The following GATM variants were observed in gnomAD, a reference collection of about 807,000 sequenced individuals.
The protein encoded by GATM is glycine amidinotransferase, mitochondrial.
A neutral mutation model predicts 54.2 loss-of-function variants in GATM; 23 were observed. The ratio of observed to expected loss-of-function variants is 0.42; its 90% CI spans 0.31 to 0.60. The LOEUF is 0.60. Among genes scored for constraint, GATM ranks in the 20% least tolerant of loss-of-function variants. The pLI is 0.14. For missense variants in GATM, 401 were observed against 544.9 expected (o/e 0.74, Z 2.63); for synonymous variants, 168 against 183.1 (o/e 0.92, Z 0.67).
At chr15:45,372,495 A>G (rs1027111750) in intron 2 of GATM, among the ~76,000 whole-genome samples, 3 of 152,244 alleles carry the variant, frequency 2.0e-5, no homozygotes, top group Admixed American at 6.5e-5. Flanking sequence ...AACCAGAAAG[A>G]GGATAATAAT....
chr15:45,399,879 G>A (rs183996158), intron 1 of GATM, among the ~76,000 whole-genome samples: 3,452 of 152,244 alleles, frequency 0.023, 145 homozygotes, highest in African/African-American at 0.079. Flanking sequence ...TTTCTGGTCA[G>A]ATTAAAAACA....
chr15:45,389,926 C>T (rs1011408277), intron 3 of GATM, among the ~76,000 whole-genome samples: 2 of 151,716 alleles, frequency 1.3e-5, no homozygotes, highest in African/African-American at 4.8e-5. Context: ...GTGGCGTGAT[C>T]TCAGCTCACT....
chr15:45,381,263 G>C (rs534678576), upstream of GATM, among the ~76,000 whole-genome samples: 2 of 152,202 alleles, frequency 1.3e-5, 1 homozygote, highest in Middle Eastern at 6.8e-3. Context: ...GCATATTCAA[G>C]TCTAATAGTA....
At chr15:45,376,993 T>A (rs1415387018) in intron 1 of GATM, 174 bp from the exon 2 acceptor site, 1 of 659,482 alleles carries the variant, frequency 1.5e-6, no homozygotes, top group Non-Finnish European at 2.7e-6. Flanking sequence ...TACAGATAAT[T>A]TTTTTAACCC....
intron 3 of GATM, among the ~76,000 whole-genome samples, chr15:45,388,486 T>C (rs1411828582): frequency 6.6e-6 from 1 of 152,234 alleles, no homozygotes; most frequent in Non-Finnish European, 1.5e-5. Context: ...TCTGTTCCAA[T>C]ATCCAATCCA....
intron 4 of GATM, 148 bp from the exon 5 acceptor site, chr15:45,366,656 G>C: frequency 2.3e-6 from 2 of 868,672 alleles, no homozygotes; most frequent in Middle Eastern, 3.3e-4. Context: ...GGAAAGAAGC[G>C]GGTCCATGAT....
upstream of GATM, chr15:45,379,040 T>C (rs1388135029): frequency 6.6e-6 from 1 of 152,100 alleles, no homozygotes; most frequent in Non-Finnish European, 1.5e-5. Flanking sequence ...ATTGGGCCAT[T>C]TGTTCCCCGG....
intron 3 of GATM, among the ~76,000 whole-genome samples, chr15:45,385,614 A>C (rs768496997): frequency 3.3e-5 from 5 of 152,218 alleles, no homozygotes; most frequent in Non-Finnish European, 4.4e-5. Flanking sequence ...ATTTTAAAAT[A>C]TGTCAGGTTG....
At chr15:45,366,849 A>G (rs746322022) in intron 4 of GATM, among the ~76,000 whole-genome samples, 3 of 152,238 alleles carry the variant, frequency 2.0e-5, no homozygotes, top group Non-Finnish European at 4.4e-5. Context: ...CTTTTAGTAA[A>G]GTATATTTAT....
At chr15:45,376,993 T>C in intron 1 of GATM, 174 bp from the exon 2 acceptor site, 2 of 659,600 alleles carry the variant, frequency 3.0e-6, no homozygotes, top group Admixed American at 4.8e-5. Flanking sequence ...TACAGATAAT[T>C]TTTTTAACCC....
At chr15:45,377,775 A>C (rs571121445) in intron 1 of GATM, 1 of 156,006 alleles carries the variant, frequency 6.4e-6, no homozygotes, top group Admixed American at 6.3e-5. Flanking sequence ...AGGGCAGCCG[A>C]GGGCGGGGAG....
chr15:45,364,631 A>G, intron 7 of GATM, 166 bp downstream of exon 7: 3 of 638,308 alleles, frequency 4.7e-6, no homozygotes, highest in Non-Finnish European at 8.4e-6. Context: ...TTGCAAACAC[A>G]AGTCCCAGCC....
intron 2 of GATM, among the ~76,000 whole-genome samples, chr15:45,373,782 A>G (rs571399221): frequency 2.6e-5 from 4 of 152,328 alleles, no homozygotes; most frequent in African/African-American, 9.6e-5. Flanking sequence ...GCTAGGATCC[A>G]TGCATGTCTT....
chr15:45,387,924 ACTCTG>A (rs1176239991), intron 3 of GATM, among the ~76,000 whole-genome samples: 1 of 152,170 alleles, frequency 6.6e-6, no homozygotes, highest in East Asian at 1.9e-4. Context: ...TTGATTTTAT[ACTCTG>A]GGAATTCAAA....
At position 45,361,853 on chromosome 15, in the gene GATM, T is replaced by C; in HGVS notation, c.*256A>G. The stretch of plus-strand genomic sequence containing the variant: ...AGTTACTCAGGTGACTAATTTTTTC[T>C]TGGTACACATTCACCAAAATTTTAT... On this transcript the variant is annotated 3_prime_UTR_variant, in exon 9 of 9. Coordinates refer to ENST00000396659, the MANE Select transcript of GATM (RefSeq NM_001482.3). 5.7e-6 allele frequency: 3 copies of C among 523,950 alleles called. No individual in the cohort carries two copies. The South Asian group carries it at 9.9e-5, about 17-fold the overall frequency. 32.5% of individuals were successfully genotyped at this position (523,950 alleles called of 1,614,324 possible). A position where few individuals can be genotyped will look rare whatever the true frequency, so the allele number is the denominator to read the frequency against.
chr15:45,384,745 G>A (rs886223739), intron 3 of GATM, among the ~76,000 whole-genome samples: 1 of 151,712 alleles, frequency 6.6e-6, no homozygotes, highest in Non-Finnish European at 1.5e-5. Context: ...GTCTCCCTCT[G>A]TCATCCTGGT....
chr15:45,364,929 T>C, intron 6 of GATM, 69 bp from the exon 7 acceptor site: 1 of 1,244,810 alleles, frequency 8.0e-7, no homozygotes, highest in Non-Finnish European at 1.2e-6. Context: ...TAGTCTCTAA[T>C]AGCCCTTATC....
At chr15:45,401,273 C>G (rs1308003531) in intron 1 of GATM, among the ~76,000 whole-genome samples, 2 of 152,032 alleles carry the variant, frequency 1.3e-5, no homozygotes, top group African/African-American at 4.8e-5. Flanking sequence ...ACAGTACTTC[C>G]CATTGATAAG....
intron 7 of GATM, chr15:45,364,315 C>T (rs1438458182): frequency 2.6e-6 from 1 of 390,158 alleles, no homozygotes; most frequent in African/African-American, 2.1e-5. Context: ...GAGTTTGAGA[C>T]TATTGCCCAG....
Sources: gnomAD v4.1 joint callset for allele counts (sites outside exome capture counted in the v4.1 genomes callset) on GRCh38, gnomAD v4.1.1 for gene constraint, MANE v1.5 for transcripts, NCBI Gene and HGNC (gene_info 2026-07-23, HGNC 2026-07-21) for gene names.